SLIT3: variants seen among roughly 807,000 people sequenced by gnomAD.
The protein encoded by SLIT3 is slit guidance ligand 3, also known as slit homolog 3 protein.
A neutral mutation model predicts 184.0 loss-of-function variants in SLIT3; 68 were observed. The ratio of observed to expected loss-of-function variants is 0.37; its 90% CI spans 0.30 to 0.45. The LOEUF (loss-of-function observed/expected upper bound fraction) is 0.45, where lower values mean the gene tolerates loss of function less well. SLIT3 is among the 20% of genes least tolerant of loss of function. SLIT3 has a pLI of 1.00. For synonymous variants in SLIT3, 831 were observed against 828.6 expected, an observed-to-expected ratio of 1.00 and a Z score of -0.05; for missense variants, 1,707 against 2,026.0, an observed-to-expected ratio of 0.84 and a Z score of 3.02.
chr5:168,678,493 C>G (rs892881028), intron 32 of SLIT3, among the ~76,000 whole-genome samples: 1 of 152,008 alleles, frequency 6.6e-6, no homozygotes, highest in Admixed American at 6.6e-5. Context: ...ACCAGCCTGG[C>G]CAACATAGTG....
Position 168,663,394 on chromosome 5 carries a change from A to G in SLIT3, c.*3060T>C, listed in dbSNP as rs1760935592. 6.6e-6 allele frequency: 1 copy of G among 152,196 alleles called. No individual in the cohort carries two copies. Among genetic ancestry groups the G allele is most frequent in the Admixed American group, 6.5e-5 (1 of 15,278 alleles). The allele number at this position is 152,196 out of a possible 1,614,324, so 9.4% of individuals were successfully genotyped here. On this transcript the variant is annotated 3_prime_UTR_variant, in exon 36 of 36. Transcript: ENST00000519560. ...GCAGAGCTTCTAAGCTACCATAGACATTTGTGATCCATCTGGCCGGCAGTG... is the reference window on the plus strand; with the variant it reads ...GCAGAGCTTCTAAGCTACCATAGACGTTTGTGATCCATCTGGCCGGCAGTG...
chr5:169,235,816 A>G (rs1765176382), intron 3 of SLIT3, among the ~76,000 whole-genome samples: 1 of 152,246 alleles, frequency 6.6e-6, no homozygotes, highest in Non-Finnish European at 1.5e-5. Context: ...GGAAGATCAC[A>G]GATACAAAGT....
intron 4 of SLIT3, among the ~76,000 whole-genome samples, chr5:168,926,420 A>G (rs116400750): frequency 0.033 from 4,955 of 152,302 alleles, 125 homozygotes; most frequent in Middle Eastern, 0.061. Flanking sequence ...GTGAGTAGAC[A>G]GTAATTATTA....
At chr5:168,694,579 TTCTC>T (rs943832845) in intron 28 of SLIT3, among the ~76,000 whole-genome samples, 4 of 151,856 alleles carry the variant, frequency 2.6e-5, no homozygotes, top group East Asian at 3.9e-4. Flanking sequence ...CAGTCAGTCT[TTCTC>T]TCTCTCTCTG....
At chr5:168,957,508 G>C (rs1055088659) in intron 4 of SLIT3, among the ~76,000 whole-genome samples, 2 of 152,210 alleles carry the variant, frequency 1.3e-5, no homozygotes, top group African/African-American at 4.8e-5. Flanking sequence ...TTCTGGTATA[G>C]GAGGTCTGGG....
intron 33 of SLIT3, among the ~76,000 whole-genome samples, chr5:168,672,206 G>A (rs1026829153): frequency 2.0e-5 from 3 of 152,118 alleles, no homozygotes; most frequent in African/African-American, 7.2e-5. Flanking sequence ...CACAGGGCAC[G>A]GTCCTCCTCC....
At chr5:168,683,815 AG>A (rs1318588300) in intron 32 of SLIT3, 150 bp downstream of exon 32, 15 of 657,930 alleles carry the variant, frequency 2.3e-5, no homozygotes, top group Non-Finnish European at 9.0e-6. Context: ...CCACTCGGTG[AG>A]GAGGAAGTGT....
At chr5:169,147,318 G>A (rs1159674552) in intron 4 of SLIT3, among the ~76,000 whole-genome samples, 4 of 152,004 alleles carry the variant, frequency 2.6e-5, no homozygotes, top group Admixed American at 2.6e-4. Flanking sequence ...GCCCAGGCTG[G>A]AGTGCAATGG....
At chr5:168,726,757 G>C (rs1763143598) in intron 20 of SLIT3, among the ~76,000 whole-genome samples, 1 of 151,920 alleles carries the variant, frequency 6.6e-6, no homozygotes, top group South Asian at 2.1e-4. Flanking sequence ...TGGATCATTT[G>C]AGGTCAGGAG....
Position 168,692,716 on chromosome 5 carries a change from G to GA in SLIT3, c.3083-17dup. On this transcript the variant is annotated splice_polypyrimidine_tract_variant and intron_variant, in intron 28 of 35. Coordinates refer to ENST00000519560, the MANE Select transcript of SLIT3 (RefSeq NM_003062.4). Reference sequence around the variant, plus strand: ...CATAGCTCACCTGGCACAGATGGGGGAGATAGCTCAGGCCTCAGGCAGGGT... The same window carrying GA: ...CATAGCTCACCTGGCACAGATGGGGGAAGATAGCTCAGGCCTCAGGCAGGGT... 1 of 1,601,758 alleles carries GA rather than the reference G, an allele frequency of 6.2e-7. No homozygotes were observed. Among genetic ancestry groups the GA allele is most frequent in the Non-Finnish European group, 8.6e-7 (1 of 1,169,030 alleles).
At chr5:169,222,881 A>G (rs1764657145) in intron 3 of SLIT3, among the ~76,000 whole-genome samples, 2 of 152,214 alleles carry the variant, frequency 1.3e-5, no homozygotes, top group African/African-American at 4.8e-5. Context: ...ACCGTTGACC[A>G]AAGTTGGTTG....
At chr5:168,942,954 C>T (rs768080945) in intron 4 of SLIT3, among the ~76,000 whole-genome samples, 10 of 152,180 alleles carry the variant, frequency 6.6e-5, no homozygotes, top group Non-Finnish European at 1.0e-4. Context: ...GAAGCTGAGG[C>T]ACTGCTGATC....
At chr5:169,155,234 C>T (rs2113378183) in intron 4 of SLIT3, among the ~76,000 whole-genome samples, 1 of 152,346 alleles carries the variant, frequency 6.6e-6, no homozygotes, top group East Asian at 1.9e-4. Flanking sequence ...GGACAATACA[C>T]TGAAGTCTTC....
At chr5:169,140,699 G>A (rs1761699995) in intron 4 of SLIT3, among the ~76,000 whole-genome samples, 1 of 152,048 alleles carries the variant, frequency 6.6e-6, no homozygotes, top group Admixed American at 6.6e-5. Context: ...CCTCTCAGGA[G>A]GCTGAGGGGA....
chr5:169,080,921 GAA>G (rs915993611), intron 4 of SLIT3, among the ~76,000 whole-genome samples: 11 of 150,548 alleles, frequency 7.3e-5, no homozygotes, highest in African/African-American at 2.0e-4. Flanking sequence ...AAAGAAAAAA[GAA>G]AAAAAAATGT....
intron 4 of SLIT3, among the ~76,000 whole-genome samples, chr5:169,035,817 T>G (rs1280581783): frequency 2.0e-5 from 3 of 152,180 alleles, no homozygotes; most frequent in Non-Finnish European, 4.4e-5. Flanking sequence ...GAGAGGCTCC[T>G]TGAAAGCAAT....
intron 5 of SLIT3, among the ~76,000 whole-genome samples, chr5:168,863,722 G>T (rs1759195726): frequency 6.6e-6 from 1 of 152,142 alleles, no homozygotes; most frequent in South Asian, 2.1e-4. Flanking sequence ...TTTGGGCTGA[G>T]ATCAGGTGGA....
intron 4 of SLIT3, among the ~76,000 whole-genome samples, chr5:168,982,723 C>T (rs1197981234): frequency 6.6e-6 from 1 of 152,114 alleles, no homozygotes. Flanking sequence ...TTAATTAAGA[C>T]AATCAAGAGT....
intron 4 of SLIT3, among the ~76,000 whole-genome samples, chr5:168,929,303 G>C (rs1039731530): frequency 2.0e-5 from 3 of 152,138 alleles, no homozygotes; most frequent in African/African-American, 7.2e-5. Context: ...TGTTATAATG[G>C]AGATAGCTAA....
Sources: gnomAD v4.1 joint callset for allele counts (sites outside exome capture counted in the v4.1 genomes callset) on GRCh38, gnomAD v4.1.1 for gene constraint, MANE v1.5 for transcripts, NCBI Gene and HGNC (gene_info 2026-07-23, HGNC 2026-07-21) for gene names.